CRTAC1: variants seen among roughly 807,000 people sequenced by gnomAD.
The protein encoded by CRTAC1 is acidic secreted protein in cartilage.
CRTAC1 carries 37 observed loss-of-function variants against 67.8 expected under a neutral mutation model. The ratio of observed to expected loss-of-function variants is 0.55; its 90% CI spans 0.42 to 0.72. The LOEUF (loss-of-function observed/expected upper bound fraction) is 0.72, where lower values mean the gene tolerates loss of function less well. CRTAC1 is among the 30% of genes least tolerant of loss of function. The pLI is 0.00. For missense variants in CRTAC1, 780 were observed against 931.6 expected (o/e 0.84, Z 2.12); for synonymous variants, 348 against 371.0 (o/e 0.94, Z 0.71).
At chr10:97,897,016 T>G (rs1430270836) in intron 8 of CRTAC1, 25 bp from the exon 9 acceptor site, 1 of 1,528,202 alleles carries the variant, frequency 6.5e-7, no homozygotes, top group Non-Finnish European at 8.9e-7. Flanking sequence ...ACAGGCTTGC[T>G]CTGGTGGGGT....
intron 12 of CRTAC1, 113 bp downstream of exon 12, chr10:97,884,092 AT>A: frequency 7.8e-7 from 1 of 1,276,624 alleles, no homozygotes; most frequent in Non-Finnish European, 1.1e-6. Context: ...CTTTGCCAAG[AT>A]TTCCATCACT....
At chr10:98,008,509 G>T (rs1244391654) in intron 2 of CRTAC1, among the ~76,000 whole-genome samples, 1 of 152,020 alleles carries the variant, frequency 6.6e-6, no homozygotes, top group Non-Finnish European at 1.5e-5. Flanking sequence ...AGAGTTGGCT[G>T]CTCATTGTAG....
intron 4 of CRTAC1, among the ~76,000 whole-genome samples, chr10:97,919,484 G>A (rs149404982): frequency 1.3e-5 from 2 of 152,316 alleles, no homozygotes; most frequent in East Asian, 1.9e-4. Flanking sequence ...GTCAAGGGAT[G>A]AAGCTGGAGA....
At chr10:97,890,602 G>T (rs2050355563) in intron 11 of CRTAC1, among the ~76,000 whole-genome samples, 1 of 151,752 alleles carries the variant, frequency 6.6e-6, no homozygotes, top group South Asian at 2.1e-4. Flanking sequence ...GCTCCTTGTT[G>T]CCCCTTCCTC....
intron 2 of CRTAC1, among the ~76,000 whole-genome samples, chr10:97,972,644 A>G (rs2051734030): frequency 6.6e-6 from 1 of 152,268 alleles, no homozygotes; most frequent in Non-Finnish European, 1.5e-5. Context: ...TACTATATAT[A>G]GTAGCAAAAA....
chr10:97,920,764 C>G (rs1300082455), intron 4 of CRTAC1, among the ~76,000 whole-genome samples: 1 of 152,234 alleles, frequency 6.6e-6, no homozygotes, highest in Non-Finnish European at 1.5e-5. Context: ...AGATCATACT[C>G]CCCCTGCTTC....
chr10:97,902,326 G>T (rs1467864110), intron 7 of CRTAC1, among the ~76,000 whole-genome samples: 2 of 152,210 alleles, frequency 1.3e-5, no homozygotes, highest in Non-Finnish European at 2.9e-5. Context: ...CCTGCCTCAG[G>T]GAAGGTGAAA....
At chr10:97,870,675 T>C (rs534721962) in intron 14 of CRTAC1, 1 of 152,350 alleles carries the variant, frequency 6.6e-6, no homozygotes, top group East Asian at 1.9e-4. Flanking sequence ...ATTAACGTTT[T>C]GTTAAATATC....
At chr10:97,880,558 A>C (rs539792123) in intron 13 of CRTAC1, among the ~76,000 whole-genome samples, 166 bp from the exon 14 acceptor site, 14 of 152,014 alleles carry the variant, frequency 9.2e-5, no homozygotes, top group African/African-American at 3.1e-4. Flanking sequence ...CTTGGTCTCT[A>C]CATGCTGGGG....
intron 2 of CRTAC1, among the ~76,000 whole-genome samples, chr10:98,002,151 G>A (rs1467999999): frequency 1.3e-5 from 2 of 152,178 alleles, no homozygotes; most frequent in African/African-American, 4.8e-5. Context: ...GAATAAGAGA[G>A]ACTTCAAGGA....
chr10:97,911,486 C>T (rs919014465), intron 5 of CRTAC1, among the ~76,000 whole-genome samples: 33 of 152,234 alleles, frequency 2.2e-4, no homozygotes, highest in African/African-American at 7.5e-4. Flanking sequence ...ACACCTCCTT[C>T]TCGGCAAGTT....
intron 3 of CRTAC1, among the ~76,000 whole-genome samples, chr10:97,931,102 T>C (rs2050997279): frequency 1.3e-5 from 2 of 151,908 alleles, no homozygotes; most frequent in Admixed American, 1.3e-4. Flanking sequence ...ATATTCTCAG[T>C]CTCCTTCATT....
intron 7 of CRTAC1, among the ~76,000 whole-genome samples, chr10:97,904,219 C>T (rs1207840550): frequency 6.6e-6 from 1 of 152,020 alleles, no homozygotes; most frequent in Non-Finnish European, 1.5e-5. Context: ...GGATCCAGAG[C>T]TCCTACAGCA....
At chr10:97,944,434 A>G (rs985005755) in intron 2 of CRTAC1, among the ~76,000 whole-genome samples, 11 of 145,328 alleles carry the variant, frequency 7.6e-5, no homozygotes, top group Non-Finnish European at 1.5e-4. Context: ...CTCCATCTCA[A>G]AAAAAAAAAA....
chr10:97,901,660 G>T (rs780630080), intron 7 of CRTAC1, 21 bp from the exon 8 acceptor site: 2 of 1,613,872 alleles, frequency 1.2e-6, no homozygotes, highest in South Asian at 1.1e-5. Context: ...CAAGGCTGGG[G>T]GTCAGTGGCA....
intron 7 of CRTAC1, 83 bp from the exon 8 acceptor site, chr10:97,901,722 A>T: frequency 6.5e-7 from 1 of 1,533,532 alleles, no homozygotes; most frequent in Non-Finnish European, 8.9e-7. Context: ...GTGTGGGGGC[A>T]ATTAAAAATA....
At chr10:97,979,913 C>T (rs1357010753) in intron 2 of CRTAC1, among the ~76,000 whole-genome samples, 1 of 152,182 alleles carries the variant, frequency 6.6e-6, no homozygotes, top group African/African-American at 2.4e-5. Flanking sequence ...CTTGGTAAAA[C>T]TACCAATTCC....
At chr10:97,888,542 TC>T (rs1245112879) in intron 11 of CRTAC1, among the ~76,000 whole-genome samples, 2 of 152,140 alleles carry the variant, frequency 1.3e-5, no homozygotes, top group Non-Finnish European at 2.9e-5. Flanking sequence ...TGGGTATTTA[TC>T]CCCATTCTCC....
At chr10:97,925,687 AGAGT>A (rs1367496388) in intron 3 of CRTAC1, among the ~76,000 whole-genome samples, 51 of 47,952 alleles carry the variant, frequency 1.1e-3, no homozygotes, top group African/African-American at 4.1e-3. Context: ...GGGGTGGGTG[AGAGT>A]GAGTGTGTGG....
Sources: gnomAD v4.1 joint callset for allele counts (sites outside exome capture counted in the v4.1 genomes callset) on GRCh38, gnomAD v4.1.1 for gene constraint, MANE v1.5 for transcripts, NCBI Gene and HGNC (gene_info 2026-07-23, HGNC 2026-07-21) for gene names.